AHI1: variants seen among roughly 807,000 people sequenced by gnomAD.
AHI1 encodes the protein jouberin.
AHI1 carries 123 observed loss-of-function variants against 149.3 expected under a neutral mutation model. That is an observed-to-expected ratio of 0.82 (90% CI 0.71 to 0.96). The LOEUF is 0.96. Ranked by LOEUF, AHI1 falls within the 40% of genes least tolerant of loss-of-function variation. AHI1 has a pLI of 0.00. For synonymous variants in AHI1, 475 were observed against 459.8 expected, an observed-to-expected ratio of 1.03 and a Z score of -0.42; for missense variants, 1,439 against 1,422.7, an observed-to-expected ratio of 1.01 and a Z score of -0.18.
intron 26 of AHI1, chr6:135,301,134 T>C: frequency 1.0e-6 from 1 of 985,018 alleles, no homozygotes; most frequent in Non-Finnish European, 1.2e-6. Context: ...TCTGAAACAT[T>C]AACTTCATAT....
intron 23 of AHI1, among the ~76,000 whole-genome samples, chr6:135,388,912 T>G (rs1778011156): frequency 6.6e-6 from 1 of 151,846 alleles, no homozygotes; most frequent in Admixed American, 6.6e-5. Flanking sequence ...CTCAGGAGGC[T>G]GAGGCACGAG....
intron 20 of AHI1, among the ~76,000 whole-genome samples, chr6:135,422,017 C>T (rs1225063737): frequency 6.6e-6 from 1 of 151,952 alleles, no homozygotes; most frequent in Non-Finnish European, 1.5e-5. Flanking sequence ...CAAATGAATG[C>T]CATATAGAAC....
chr6:135,302,760 G>A (rs1399536466), intron 26 of AHI1: 5 of 1,288,248 alleles, frequency 3.9e-6, no homozygotes, highest in Non-Finnish European at 5.1e-6. Flanking sequence ...GTTACTCATG[G>A]AGGCAGAAGC....
chr6:135,352,511 G>T (rs1313602690), intron 24 of AHI1, among the ~76,000 whole-genome samples: 3 of 152,028 alleles, frequency 2.0e-5, no homozygotes, highest in Admixed American at 1.3e-4. Flanking sequence ...AACCACTCCA[G>T]TGCTGGGAAT....
chr6:135,457,656 T>C lies in AHI1; in HGVS notation c.989A>G (p.Asp330Gly), dbSNP rs200201741. The stretch of plus-strand genomic sequence containing the variant: ...CAAACATTTGGGATAAACCGGGCTA[T>C]CTCGGCTTGTTATTTCATGAACACC... Reference protein sequence around the residue: ...GDGVHEITSRDSPVYPKCLLD... With the variant: ...GDGVHEITSRGSPVYPKCLLD... The change falls in exon 9 of 29, where the codon GAT (aspartate) becomes GGT (glycine). Residue 330 changes from aspartate (D) to glycine (G), a missense_variant. By Grantham distance (94) the Asp-to-Gly change is moderately conservative. Coordinates refer to ENST00000265602, the MANE Select transcript of AHI1 (RefSeq NM_001134831.2). 1,941 of 1,613,930 alleles carry C rather than the reference T, an allele frequency of 1.2e-3. 4 individuals are homozygous for C. Among genetic ancestry groups the C allele is most frequent in the Admixed American group, 2.2e-3 (131 of 60,018 alleles).
intron 23 of AHI1, among the ~76,000 whole-genome samples, chr6:135,360,071 A>T (rs1024828555): frequency 1.3e-5 from 2 of 152,140 alleles, no homozygotes; most frequent in African/African-American, 4.8e-5. Context: ...AGCTTGCAGT[A>T]AAAAATATAT....
At chr6:135,335,782 C>T (rs1185601972) in intron 24 of AHI1, among the ~76,000 whole-genome samples, 1 of 151,938 alleles carries the variant, frequency 6.6e-6, no homozygotes, top group Non-Finnish European at 1.5e-5. Flanking sequence ...AAATAACATC[C>T]TACTCATGAT....
At chr6:135,439,825 T>C (rs1037716148) in intron 14 of AHI1, among the ~76,000 whole-genome samples, 5 of 152,134 alleles carry the variant, frequency 3.3e-5, no homozygotes, top group Admixed American at 2.0e-4. Context: ...AGGCTTCCAC[T>C]GAGGGTCTTA....
rs757278833 is a variant in AHI1, at chr6:135,433,213, A to G, written c.2080T>C (p.Leu694=). ...EINNTNTFRV[L]PHPSFVYTAK... ...GTGTAAACAAAAGAAGGATGAGGTA[A>G]AACTCTGAAAGTATTTGTATTGTTT... The change falls in exon 16 of 29, where the codon TTA becomes CTA. Residue 694 remains leucine, a synonymous_variant. Transcript: ENST00000265602. 1.9e-6 allele frequency: 3 copies of G among 1,611,780 alleles called. No homozygotes were observed. Among genetic ancestry groups the G allele is most frequent in the Non-Finnish European group, 2.5e-6 (3 of 1,177,988 alleles).
intron 25 of AHI1, among the ~76,000 whole-genome samples, chr6:135,321,851 G>C: frequency 6.6e-6 from 1 of 151,924 alleles, no homozygotes; most frequent in Admixed American, 6.6e-5. Flanking sequence ...TGCTGGGCTG[G>C]AGTGCAGTGG....
intron 22 of AHI1, among the ~76,000 whole-genome samples, chr6:135,404,017 C>A (rs993303303): frequency 1.3e-5 from 2 of 148,894 alleles, no homozygotes; most frequent in Non-Finnish European, 3.0e-5. Context: ...TAGGTGCCCA[C>A]TGAATTAAAA....
chr6:135,364,391 G>A (rs1259811632), intron 23 of AHI1, among the ~76,000 whole-genome samples: 4 of 150,220 alleles, frequency 2.7e-5, no homozygotes, highest in African/African-American at 9.9e-5. Context: ...GGGCAGAGAC[G>A]CTCCTCACTT....
At chr6:135,359,081 T>G (rs1038245989) in intron 23 of AHI1, among the ~76,000 whole-genome samples, 3 of 152,240 alleles carry the variant, frequency 2.0e-5, no homozygotes, top group Non-Finnish European at 4.4e-5. Context: ...GTTTCTCTTC[T>G]ACAAGCATAT....
chr6:135,374,109 T>TATATATATAAATATA (rs1491273878), intron 23 of AHI1, among the ~76,000 whole-genome samples: 1 of 25,474 alleles, frequency 3.9e-5, no homozygotes, highest in African/African-American at 1.3e-4. Context: ...TATATATATA[T>TATATATATAAATATA]TTTTTTTTTT....
At chr6:135,455,973 A>G in intron 9 of AHI1, 47 bp from the exon 10 acceptor site, 2 of 1,288,058 alleles carry the variant, frequency 1.6e-6, no homozygotes, top group Non-Finnish European at 2.0e-6. Context: ...CATAATTTTG[A>G]GGTGAGAAAA....
At chr6:135,329,778 T>A (rs1416591913) in intron 24 of AHI1, among the ~76,000 whole-genome samples, 1 of 152,218 alleles carries the variant, frequency 6.6e-6, no homozygotes, top group African/African-American at 2.4e-5. Context: ...CTGGAAAGGA[T>A]GCACTATTCT....
intron 22 of AHI1, among the ~76,000 whole-genome samples, chr6:135,396,556 T>A (rs1462172571): frequency 6.6e-6 from 1 of 151,834 alleles, no homozygotes; most frequent in African/African-American, 2.4e-5. Flanking sequence ...ATTATTAACA[T>A]CACTAGAAGT....
intron 27 of AHI1, chr6:135,297,300 C>T (rs1783223762): frequency 2.7e-6 from 1 of 370,464 alleles, no homozygotes; most frequent in African/African-American, 2.1e-5. Context: ...TTCCCCAACT[C>T]CAAGACACTA....
At position 135,480,527 on chromosome 6, in the gene AHI1, C is replaced by T. The variant is rs537662777; in HGVS notation, c.135+10096G>A. Among the ~76,000 whole-genome samples, 16 of 152,186 alleles carry T rather than the reference C, an allele frequency of 1.1e-4. No individual in the cohort carries two copies. The South Asian group carries it at 2.5e-3, about 24-fold the overall frequency. On this transcript the variant is annotated intron_variant, in intron 5 of 28. Transcript: ENST00000265602. ...TTATTTCCTCCCATACTTTGTGCTA[C>T]GTGGGTCTTACAGTCTGAACATTTG...
Sources: gnomAD v4.1 joint callset for allele counts (sites outside exome capture counted in the v4.1 genomes callset) on GRCh38, gnomAD v4.1.1 for gene constraint, MANE v1.5 for transcripts, NCBI Gene and HGNC (gene_info 2026-07-23, HGNC 2026-07-21) for gene names.